The following DGKB variants were observed in gnomAD, a reference collection of about 807,000 sequenced individuals.
DGKB encodes the protein 90 kDa diacylglycerol kinase.
DGKB carries 67 observed loss-of-function variants against 114.3 expected under a neutral mutation model. That is an observed-to-expected ratio of 0.59 (90% CI 0.48 to 0.72). DGKB has a LOEUF of 0.72. Ranked by LOEUF, DGKB falls within the 30% of genes least tolerant of loss-of-function variation. The pLI is 0.00. For missense variants in DGKB, 907 were observed against 975.2 expected (o/e 0.93, Z 0.93); for synonymous variants, 398 against 323.1 (o/e 1.23, Z -2.49).
At chr7:14,807,228 A>G (rs6948854) in intron 2 of DGKB, among the ~76,000 whole-genome samples, 3,214 of 152,026 alleles carry the variant, frequency 0.021, 113 homozygotes, top group African/African-American at 0.074. Context: ...CCTCACACAT[A>G]TAATTGTCTG....
chr7:14,631,646 C>T (rs919720009), intron 13 of DGKB, among the ~76,000 whole-genome samples: 4 of 152,092 alleles, frequency 2.6e-5, no homozygotes, highest in African/African-American at 9.6e-5. Flanking sequence ...TTCCTGATTT[C>T]AGTAACATTC....
In DGKB at chr7:14,188,468, G is replaced by A. The variant is rs897549248; in HGVS notation, c.2123-10317C>T. 3.6e-4 allele frequency among the ~76,000 whole-genome samples: 53 copies of A among 146,162 alleles called. 9 individuals are homozygous for A. The highest frequency in any genetic ancestry group is 1.5e-3 in the Admixed American group (21 of 13,932). On this transcript the variant is annotated intron_variant, in intron 23 of 25. Transcript: ENST00000402815. ...GAGGTCAGGAGATCGAGACCATCCCGGCTAAAACGGTGAAACCCCGTCTCT... is the reference window on the plus strand; with the variant it reads ...GAGGTCAGGAGATCGAGACCATCCCAGCTAAAACGGTGAAACCCCGTCTCT...
At chr7:14,324,277 T>C (rs1024551272) in intron 23 of DGKB, among the ~76,000 whole-genome samples, 7 of 151,796 alleles carry the variant, frequency 4.6e-5, no homozygotes, top group African/African-American at 1.7e-4. Flanking sequence ...GGTGAAATTG[T>C]CTCTACTAAA....
At position 14,429,246 on chromosome 7, in the gene DGKB, G is replaced by A. The variant is rs898473811; in HGVS notation, c.1835+48915C>T. The stretch of plus-strand genomic sequence containing the variant: ...AATGTGGCCTTTAGGAGATAATTAG[G>A]TCTTGAGGATGGAGCCCTCATGATG... On this transcript the variant is annotated intron_variant, in intron 21 of 25. Coordinates refer to ENST00000402815, the MANE Select transcript of DGKB (RefSeq NM_001350709.2). 2.0e-5 allele frequency among the ~76,000 whole-genome samples: 3 copies of A among 152,096 alleles called. No individual in the cohort carries two copies. The East Asian group carries it at 5.8e-4, about 29-fold the overall frequency.
intron 2 of DGKB, among the ~76,000 whole-genome samples, chr7:14,810,550 C>T (rs576653997): frequency 1.3e-5 from 2 of 152,126 alleles, no homozygotes; most frequent in African/African-American, 2.4e-5. Flanking sequence ...TTCAAAATGT[C>T]ATTTATATTT....
intron 20 of DGKB, among the ~76,000 whole-genome samples, chr7:14,547,875 A>G (rs777667889): frequency 5.3e-5 from 8 of 152,188 alleles, no homozygotes; most frequent in Admixed American, 3.3e-4. Context: ...CTTCATCTAC[A>G]TCCTGGAGCA....
At chr7:14,594,943 C>T (rs1223550460) in intron 17 of DGKB, among the ~76,000 whole-genome samples, 2 of 152,022 alleles carry the variant, frequency 1.3e-5, no homozygotes, top group Admixed American at 1.3e-4. Flanking sequence ...GAGATAGATT[C>T]CAGAGATTCA....
chr7:14,233,174 G>C (rs1298366812), intron 23 of DGKB, among the ~76,000 whole-genome samples: 1 of 151,950 alleles, frequency 6.6e-6, no homozygotes. Flanking sequence ...TATAAGAAGG[G>C]ACTTGCCTTA....
At chr7:14,727,872 A>C (rs1193501699) in intron 5 of DGKB, among the ~76,000 whole-genome samples, 4 of 152,224 alleles carry the variant, frequency 2.6e-5, no homozygotes, top group Non-Finnish European at 5.9e-5. Context: ...ATATCTTCTC[A>C]GCACAATTAA....
At chr7:14,716,781 G>A (rs951549391) in intron 6 of DGKB, among the ~76,000 whole-genome samples, 8 of 151,792 alleles carry the variant, frequency 5.3e-5, no homozygotes, top group Admixed American at 2.6e-4. Context: ...ACCAAACTTC[G>A]GATGATTCTG....
rs74882096 is a variant in DGKB at position 14,831,635 on chromosome 7, T to C, written c.70+9559A>G. ...AAAACATGAGGTACATGCTGTTTGCTATGACATAATTAATACAGTTCTTTG... is the reference window on the plus strand; with the variant it reads ...AAAACATGAGGTACATGCTGTTTGCCATGACATAATTAATACAGTTCTTTG... On this transcript the variant is annotated intron_variant, in intron 2 of 25. Transcript: ENST00000402815. 7.6e-3 allele frequency among the ~76,000 whole-genome samples: 1,162 copies of C among 152,188 alleles called. 19 individuals are homozygous for C. Among genetic ancestry groups the C allele is most frequent in the African/African-American group, 0.027 (1,112 of 41,542 alleles).
In DGKB at chr7:14,617,811, C is replaced by G. The variant is rs148638324; in HGVS notation, c.1284+3567G>C. Among the ~76,000 whole-genome samples the G allele has an allele frequency of 2.6e-5, 4 of 151,764 alleles. No homozygotes were observed. In the East Asian group the frequency reaches 5.8e-4, roughly 22 times the overall value. On this transcript the variant is annotated intron_variant, in intron 15 of 25. Transcript: ENST00000402815. ...ATTCCCCATATATCCAAATGACCAA[C>G]TGCTTCATCTCTTTTAAGTCTTTAC...
At chr7:14,863,640 A>G (rs1586991732) in intron 1 of DGKB, among the ~76,000 whole-genome samples, 3 of 152,144 alleles carry the variant, frequency 2.0e-5, no homozygotes, top group African/African-American at 7.2e-5. Flanking sequence ...TTGACAAATA[A>G]TAATTGTGTA....
chr7:14,152,390 T>A (rs181551378), intron 25 of DGKB, among the ~76,000 whole-genome samples: 1 of 152,188 alleles, frequency 6.6e-6, no homozygotes, highest in African/African-American at 2.4e-5. Flanking sequence ...AAGAGGATAC[T>A]GGGCACTCAT....
At chr7:14,581,957 G>C (rs968543472) in intron 18 of DGKB, among the ~76,000 whole-genome samples, 2 of 152,076 alleles carry the variant, frequency 1.3e-5, no homozygotes, top group African/African-American at 2.4e-5. Context: ...AATTTTCACT[G>C]TTTCTTTTTA....
chr7:14,936,135 A>G (rs1402739373), intron 1 of DGKB, among the ~76,000 whole-genome samples: 1 of 152,290 alleles, frequency 6.6e-6, no homozygotes, highest in East Asian at 1.9e-4. Flanking sequence ...TGGTTTATAT[A>G]GGTAAACTCT....
chr7:14,777,972 T>G (rs751700220), intron 2 of DGKB, among the ~76,000 whole-genome samples: 3 of 152,222 alleles, frequency 2.0e-5, no homozygotes, highest in Non-Finnish European at 4.4e-5. Flanking sequence ...GAAGCAGATC[T>G]ATTTAAATCT....
chr7:14,166,915 C>T (rs567605067), intron 25 of DGKB, among the ~76,000 whole-genome samples: 37 of 152,070 alleles, frequency 2.4e-4, no homozygotes, highest in Admixed American at 7.2e-4. Context: ...GAAAAATATT[C>T]GTTAATCAGG....
rs1306934543 is a variant in DGKB, at chr7:14,682,685, A to C, written c.919-16T>G. 1 of 1,610,252 alleles carries C rather than the reference A, an allele frequency of 6.2e-7. No individual in the cohort carries two copies. The highest frequency in any genetic ancestry group is 1.1e-5 in the South Asian group (1 of 90,996). ...GGTGCATGACCTAGAACAGAATGAC[A>C]ACATTGTGATAAGAGGACACACTAC... On this transcript the variant is annotated splice_polypyrimidine_tract_variant and intron_variant, in intron 11 of 25. Coordinates refer to ENST00000402815, the MANE Select transcript of DGKB (RefSeq NM_001350709.2).
Sources: allele counts gnomAD v4.1 joint callset (sites outside exome capture counted in the v4.1 genomes callset), GRCh38; gene constraint gnomAD v4.1.1; transcripts MANE v1.5; gene names NCBI Gene and HGNC (gene_info 2026-07-23, HGNC 2026-07-21).